The following SCLT1 variants were observed in gnomAD, a reference collection of about 807,000 sequenced individuals.
SCLT1 encodes sodium channel and clathrin linker 1.
In SCLT1, 78 loss-of-function variants were observed where a neutral mutation model predicts 112.8. The observed-to-expected ratio is 0.69, with a 90% CI of 0.58 to 0.83. The LOEUF (loss-of-function observed/expected upper bound fraction) is 0.83. Ranked by LOEUF, SCLT1 falls within the 40% of genes least tolerant of loss-of-function variation. The probability of loss-of-function intolerance (pLI) is 0.00; values close to 1 mark genes in which losing one functional copy is unlikely to be tolerated. For missense variants in SCLT1, 747 were observed against 770.4 expected, an observed-to-expected ratio of 0.97 and a Z score of 0.36; for synonymous variants, 257 against 254.7, an observed-to-expected ratio of 1.01 and a Z score of -0.09.
intron 2 of SCLT1, among the ~76,000 whole-genome samples, chr4:129,061,598 A>G (rs1749981809): frequency 6.6e-6 from 1 of 152,072 alleles, no homozygotes. Flanking sequence ...GATTGCTCTG[A>G]GTGGCTAAGG....
At chr4:128,900,817 A>C (rs1209705339) in intron 18 of SCLT1, among the ~76,000 whole-genome samples, 1 of 152,222 alleles carries the variant, frequency 6.6e-6, no homozygotes, top group Non-Finnish European at 1.5e-5. Context: ...CAATGAACTC[A>C]AACAAATTTA....
At chr4:128,994,652 T>A (rs1034757978) in intron 8 of SCLT1, among the ~76,000 whole-genome samples, 5 of 152,146 alleles carry the variant, frequency 3.3e-5, no homozygotes, top group Admixed American at 6.6e-5. Context: ...GGTTTCCAAT[T>A]TTTCCACATC....
At chr4:128,905,522 G>GA (rs1734625834) in intron 18 of SCLT1, among the ~76,000 whole-genome samples, 1 of 6,726 alleles carries the variant, frequency 1.5e-4, no homozygotes, top group Admixed American at 1.7e-3. Context: ...CTGCACTTTA[G>GA]ACTTTTTTTT....
At chr4:129,005,851 T>C (rs945484117) in intron 5 of SCLT1, among the ~76,000 whole-genome samples, 7 of 150,506 alleles carry the variant, frequency 4.7e-5, no homozygotes, top group East Asian at 2.0e-4. Flanking sequence ...AAATGATGAG[T>C]TCATGTCCTT....
intron 18 of SCLT1, among the ~76,000 whole-genome samples, chr4:128,924,964 C>T (rs1168566210): frequency 3.9e-5 from 6 of 152,152 alleles, no homozygotes; most frequent in African/African-American, 1.4e-4. Context: ...TCCCTCACTC[C>T]TCTCTCCTCA....
intron 2 of SCLT1, among the ~76,000 whole-genome samples, chr4:129,062,964 GC>G (rs1190445871): frequency 6.6e-6 from 1 of 152,144 alleles, no homozygotes; most frequent in East Asian, 1.9e-4. Flanking sequence ...ATTTCTTTAA[GC>G]TTTGTGCTTC....
chr4:128,885,151 T>C (rs1010584643), intron 20 of SCLT1, among the ~76,000 whole-genome samples: 2 of 152,098 alleles, frequency 1.3e-5, no homozygotes, highest in African/African-American at 4.8e-5. Flanking sequence ...GCCAACACAA[T>C]GCAAGGCTGA....
chr4:129,074,295 C>T (rs967329787), intron 2 of SCLT1, among the ~76,000 whole-genome samples: 1 of 152,124 alleles, frequency 6.6e-6, no homozygotes, highest in Middle Eastern at 3.2e-3. Context: ...TATGTGAAAA[C>T]ACTGTTCAAA....
At chr4:129,058,774 A>G (rs929954944) in intron 2 of SCLT1, among the ~76,000 whole-genome samples, 1 of 152,122 alleles carries the variant, frequency 6.6e-6, no homozygotes, top group Non-Finnish European at 1.5e-5. Context: ...TGTCTAGATG[A>G]TCAGTCCAAT....
At chr4:128,895,263 A>T (rs1370263860) in intron 18 of SCLT1, among the ~76,000 whole-genome samples, 1 of 152,088 alleles carries the variant, frequency 6.6e-6, no homozygotes, top group African/African-American at 2.4e-5. Flanking sequence ...TTTCCAAAAC[A>T]CCACTTTAAT....
intron 6 of SCLT1, among the ~76,000 whole-genome samples, chr4:129,001,728 G>A (rs1274080311): frequency 1.3e-5 from 2 of 151,920 alleles, no homozygotes; most frequent in Non-Finnish European, 2.9e-5. Context: ...TTAGCATTGT[G>A]CTATTGCTAT....
intron 5 of SCLT1, among the ~76,000 whole-genome samples, chr4:129,017,416 GTAA>G (rs1256612835): frequency 6.6e-6 from 1 of 151,934 alleles, no homozygotes; most frequent in African/African-American, 2.4e-5. Context: ...TATAACAGTT[GTAA>G]TAATATATTT....
chr4:129,072,695 TC>T (rs1157224178), intron 2 of SCLT1, among the ~76,000 whole-genome samples: 2 of 152,200 alleles, frequency 1.3e-5, no homozygotes, highest in Non-Finnish European at 2.9e-5. Context: ...TGAATATTTC[TC>T]CCTTCACTTC....
At chr4:129,027,117 G>C (rs894761538) in intron 5 of SCLT1, among the ~76,000 whole-genome samples, 1 of 152,092 alleles carries the variant, frequency 6.6e-6, no homozygotes, top group African/African-American at 2.4e-5. Context: ...AATTCTACCA[G>C]AGGTACAAGG....
At chr4:129,087,008 A>T (rs1489046369) in intron 1 of SCLT1, among the ~76,000 whole-genome samples, 1 of 152,214 alleles carries the variant, frequency 6.6e-6, no homozygotes, top group African/African-American at 2.4e-5. Context: ...ATCAGAGACA[A>T]GAAACAAATG....
chr4:128,948,110 C>T lies in SCLT1; in HGVS notation c.1293+386G>A, dbSNP rs573941061. ...AAGAAAAGTGTGAGGCTGAGGCAGG[C>T]GGATCACGAGGTCAGGAGATAGAGA... On this transcript the variant is annotated intron_variant, in intron 15 of 20. Coordinates refer to ENST00000281142, the MANE Select transcript of SCLT1 (RefSeq NM_144643.4). Among the ~76,000 whole-genome samples the T allele has an allele frequency of 2.4e-4, 37 of 151,698 alleles. 1 individual carries two copies. Among genetic ancestry groups the T allele is most frequent in the East Asian group, 2.3e-3 (12 of 5,158 alleles).
intron 9 of SCLT1, among the ~76,000 whole-genome samples, chr4:128,980,449 A>G (rs530898087): frequency 2.0e-5 from 3 of 152,328 alleles, no homozygotes; most frequent in Admixed American, 6.5e-5. Flanking sequence ...TGTGATTTAT[A>G]TAATTTACCT....
intron 2 of SCLT1, among the ~76,000 whole-genome samples, chr4:129,062,507 C>T (rs904014739): frequency 1.3e-5 from 2 of 152,026 alleles, no homozygotes; most frequent in African/African-American, 4.8e-5. Context: ...TTTCATGTTT[C>T]AATATTTTAA....
At position 129,075,966 on chromosome 4, in the gene SCLT1, T is replaced by C. The variant is rs141751693; in HGVS notation, c.102+6340A>G. On this transcript the variant is annotated intron_variant, in intron 2 of 20. Coordinates refer to ENST00000281142, the MANE Select transcript of SCLT1 (RefSeq NM_144643.4). The stretch of plus-strand genomic sequence containing the variant: ...CAAGGCCCCTTCTTGGTCCATTCTT[T>C]GGCTCAATCTTCATTTTCTGTCCCA... Among the ~76,000 whole-genome samples the C allele has an allele frequency of 1.6e-3, 247 of 152,244 alleles. 1 individual carries two copies. The highest frequency in any genetic ancestry group is 0.014 in the East Asian group (71 of 5,182).
Sources: allele counts gnomAD v4.1 joint callset (sites outside exome capture counted in the v4.1 genomes callset), GRCh38; gene constraint gnomAD v4.1.1; transcripts MANE v1.5; gene names NCBI Gene and HGNC (gene_info 2026-07-23, HGNC 2026-07-21).